HS6ST3: variants seen among roughly 807,000 people sequenced by gnomAD.
HS6ST3 encodes the protein heparan-sulfate 6-O-sulfotransferase 3.
HS6ST3 carries 12 observed loss-of-function variants against 36.7 expected under a neutral mutation model. The ratio of observed to expected loss-of-function variants is 0.33; its 90% CI spans 0.21 to 0.53. The LOEUF is 0.53. Among genes scored for constraint, HS6ST3 ranks in the 20% least tolerant of loss-of-function variants. The pLI is 0.95. For missense variants in HS6ST3, 584 were observed against 640.9 expected (o/e 0.91, Z 0.96); for synonymous variants, 240 against 257.5 (o/e 0.93, Z 0.65).
At chr13:96,534,264 G>C (rs1230350663) in intron 1 of HS6ST3, among the ~76,000 whole-genome samples, 1 of 152,166 alleles carries the variant, frequency 6.6e-6, no homozygotes, top group Non-Finnish European at 1.5e-5. Context: ...ATGGAACTCA[G>C]TGGAATGTTC....
chr13:96,360,821 C>T (rs1458030540), intron 1 of HS6ST3, among the ~76,000 whole-genome samples: 1 of 151,608 alleles, frequency 6.6e-6, no homozygotes, highest in Non-Finnish European at 1.5e-5. Context: ...GTGGTGGGCA[C>T]CTGTAGTCCC....
intron 1 of HS6ST3, among the ~76,000 whole-genome samples, chr13:96,522,957 C>T (rs188475939): frequency 1.8e-4 from 27 of 152,256 alleles, no homozygotes; most frequent in East Asian, 1.9e-4. Flanking sequence ...TTCTTAGCCT[C>T]GATGGTCTTT....
chr13:96,531,465 T>G (rs894567786), intron 1 of HS6ST3, among the ~76,000 whole-genome samples: 8 of 152,256 alleles, frequency 5.3e-5, no homozygotes, highest in African/African-American at 9.6e-5. Context: ...GAGAATGTTC[T>G]GTCTTTGTAT....
At chr13:96,693,157 TA>T (rs1297991837) in intron 1 of HS6ST3, among the ~76,000 whole-genome samples, 6 of 152,176 alleles carry the variant, frequency 3.9e-5, no homozygotes, top group Admixed American at 3.3e-4. Context: ...AGGTGATGGG[TA>T]AAAAAGTTGA....
At chr13:96,752,500 A>G (rs1385290793) in intron 1 of HS6ST3, among the ~76,000 whole-genome samples, 1 of 152,162 alleles carries the variant, frequency 6.6e-6, no homozygotes, top group African/African-American at 2.4e-5. Context: ...TATCTAGTGA[A>G]TATAAAATAG....
chr13:96,256,534 C>T (rs1474889592), intron 1 of HS6ST3, among the ~76,000 whole-genome samples: 1 of 152,224 alleles, frequency 6.6e-6, no homozygotes, highest in Non-Finnish European at 1.5e-5. Context: ...CAGCTTCAGC[C>T]TCTTCTCAGC....
intron 1 of HS6ST3, chr13:96,427,364 A>G (rs9556587): frequency 0.34 from 52,072 of 152,492 alleles, 9,037 homozygotes; most frequent in South Asian, 0.45. Flanking sequence ...GTAGATCTCA[A>G]TGAAGGTTAG....
chr13:96,766,977 A>G (rs1216964383), intron 1 of HS6ST3, among the ~76,000 whole-genome samples: 1 of 152,202 alleles, frequency 6.6e-6, no homozygotes, highest in Non-Finnish European at 1.5e-5. Context: ...GTTCAACTTT[A>G]GTGTATTTTT....
At chr13:96,131,937 CTACTT>C (rs1051875699) in intron 1 of HS6ST3, among the ~76,000 whole-genome samples, 2 of 151,864 alleles carry the variant, frequency 1.3e-5, no homozygotes, top group African/African-American at 4.8e-5. Flanking sequence ...ATATGGTACT[CTACTT>C]TTTATAAAAC....
intron 1 of HS6ST3, among the ~76,000 whole-genome samples, chr13:96,802,707 T>C (rs1266716754): frequency 6.6e-6 from 1 of 152,144 alleles, no homozygotes; most frequent in Non-Finnish European, 1.5e-5. Context: ...AGCTATATAA[T>C]CTCTGATCGT....
chr13:96,576,415 A>G (rs1035701866), intron 1 of HS6ST3, among the ~76,000 whole-genome samples: 2 of 151,668 alleles, frequency 1.3e-5, no homozygotes, highest in Admixed American at 6.6e-5. Context: ...GGTGTCATGG[A>G]TTGATGTCAG....
chr13:96,590,222 A>T (rs950378742), intron 1 of HS6ST3, among the ~76,000 whole-genome samples: 1 of 152,064 alleles, frequency 6.6e-6, no homozygotes, highest in East Asian at 1.9e-4. Context: ...AAAGGTGGAT[A>T]GTATAGTAGC....
At chr13:96,325,008 T>C (rs1212109541) in intron 1 of HS6ST3, among the ~76,000 whole-genome samples, 1 of 152,206 alleles carries the variant, frequency 6.6e-6, no homozygotes, top group African/African-American at 2.4e-5. Flanking sequence ...ACAATTTGTT[T>C]AAATCGCAGA....
intron 1 of HS6ST3, among the ~76,000 whole-genome samples, chr13:96,470,038 T>G (rs1230719784): frequency 6.6e-6 from 1 of 152,190 alleles, no homozygotes; most frequent in Non-Finnish European, 1.5e-5. Context: ...AATTATTTGT[T>G]TGATATATAT....
intron 1 of HS6ST3, among the ~76,000 whole-genome samples, chr13:96,696,721 T>G (rs1325524872): frequency 6.6e-6 from 1 of 151,996 alleles, no homozygotes; most frequent in Non-Finnish European, 1.5e-5. Context: ...CATGGAAAAT[T>G]TTTCTCTAAG....
At chr13:96,187,517 TG>T (rs113399426) in intron 1 of HS6ST3, among the ~76,000 whole-genome samples, 1,795 of 152,298 alleles carry the variant, frequency 0.012, 32 homozygotes, top group African/African-American at 0.041. Context: ...CAGGGCTCTA[TG>T]ACTCCAAAGC....
chr13:96,766,104 G>C (rs1877108226), intron 1 of HS6ST3, among the ~76,000 whole-genome samples: 1 of 152,144 alleles, frequency 6.6e-6, no homozygotes, highest in Non-Finnish European at 1.5e-5. Context: ...AAGAAAAATA[G>C]CTGTTAAAAT....
At chr13:96,335,637 T>G (rs181446915) in intron 1 of HS6ST3, among the ~76,000 whole-genome samples, 2 of 152,338 alleles carry the variant, frequency 1.3e-5, no homozygotes, top group Non-Finnish European at 2.9e-5. Context: ...GGGGGCAGTT[T>G]TAGCTGGTAT....
At chr13:96,548,534 C>T (rs952407121) in intron 1 of HS6ST3, among the ~76,000 whole-genome samples, 2 of 152,174 alleles carry the variant, frequency 1.3e-5, no homozygotes, top group African/African-American at 4.8e-5. Flanking sequence ...AGAAACAGAA[C>T]TAATAGGAGG....
Sources: allele counts gnomAD v4.1 joint callset (sites outside exome capture counted in the v4.1 genomes callset), GRCh38; gene constraint gnomAD v4.1.1; transcripts MANE v1.5; gene names NCBI Gene and HGNC (gene_info 2026-07-23, HGNC 2026-07-21).